Variants in ROBO2 observed in about 807,000 individuals in gnomAD.
ROBO2 encodes roundabout guidance receptor 2.
A neutral mutation model predicts 160.8 loss-of-function variants in ROBO2; 53 were observed. The ratio of observed to expected loss-of-function variants is 0.33; its 90% CI spans 0.26 to 0.41. The LOEUF (loss-of-function observed/expected upper bound fraction) is 0.41, where lower values mean the gene tolerates loss of function less well. Ranked by LOEUF, ROBO2 falls within the 10% of genes least tolerant of loss-of-function variation. The pLI is 1.00. For missense variants in ROBO2, 1,577 were observed against 1,722.4 expected (o/e 0.92, Z 1.49); for synonymous variants, 664 against 611.7 (o/e 1.09, Z -1.26).
chr3:76,064,392 C>T (rs2068175722), intron 2 of ROBO2, among the ~76,000 whole-genome samples: 1 of 152,104 alleles, frequency 6.6e-6, no homozygotes, highest in African/African-American at 2.4e-5. Flanking sequence ...TGGTTGCCTT[C>T]AAATTCGAGG....
intron 2 of ROBO2, among the ~76,000 whole-genome samples, chr3:76,175,361 T>C (rs2073193072): frequency 6.6e-6 from 1 of 152,116 alleles, no homozygotes; most frequent in Non-Finnish European, 1.5e-5. Flanking sequence ...ATACCCTTTA[T>C]TTCTATGCAT....
intron 2 of ROBO2, among the ~76,000 whole-genome samples, chr3:76,686,718 A>T (rs537679293): frequency 6.6e-6 from 1 of 152,208 alleles, no homozygotes; most frequent in East Asian, 1.9e-4. Context: ...GCTACTTGGG[A>T]GGCTGAGACT....
At chr3:76,924,270 T>C (rs1432110764) in intron 2 of ROBO2, among the ~76,000 whole-genome samples, 2 of 152,202 alleles carry the variant, frequency 1.3e-5, no homozygotes, top group African/African-American at 4.8e-5. Context: ...GCGATGGTAT[T>C]GGGAGGCTGG....
rs139102547 is a variant in ROBO2 at position 76,886,917 on chromosome 3, G to A, written c.110-211097G>A. 1.4e-3 allele frequency among the ~76,000 whole-genome samples: 212 copies of A among 152,310 alleles called. 1 individual carries two copies. The highest frequency in any genetic ancestry group is 2.2e-3 in the Non-Finnish European group (152 of 68,030). On this transcript the variant is annotated intron_variant, in intron 2 of 26. Coordinates refer to the ROBO2 transcript ENST00000487694. ...TTCATTCACATTAGCCACATTCGAA[G>A]TGTTCAGTAGCCCCATGTGGCTAGT... is the stretch of plus-strand genomic sequence containing the variant.
At chr3:77,563,387 A>G (rs2093388394) in intron 11 of ROBO2, 58 bp downstream of exon 12, 1 of 1,512,716 alleles carries the variant, frequency 6.6e-7, no homozygotes, top group Non-Finnish European at 9.2e-7. Flanking sequence ...TTATTCTAAA[A>G]TGTCACCTGA....
At chr3:76,719,913 G>GA (rs975738971) in intron 2 of ROBO2, among the ~76,000 whole-genome samples, 2 of 151,294 alleles carry the variant, frequency 1.3e-5, no homozygotes, top group East Asian at 3.9e-4. Context: ...TTTCTTTAGA[G>GA]AAAAAAATGT....
intron 2 of ROBO2, among the ~76,000 whole-genome samples, chr3:76,770,814 A>G (rs2061856691): frequency 6.6e-6 from 1 of 151,306 alleles, no homozygotes; most frequent in African/African-American, 2.4e-5. Context: ...TAATGCCTCC[A>G]ACTGAGGTGA....
chr3:77,454,802 TCCATTCATTTG>T (rs1410467489), intron 2 of ROBO2, among the ~76,000 whole-genome samples: 2 of 152,240 alleles, frequency 1.3e-5, no homozygotes, highest in African/African-American at 4.8e-5. Flanking sequence ...TTTGTTTATA[TCCATTCATTTG>T]TGGTAGAGGT....
intron 2 of ROBO2, among the ~76,000 whole-genome samples, chr3:75,943,525 C>T (rs1948145403): frequency 6.6e-6 from 1 of 151,902 alleles, no homozygotes; most frequent in Admixed American, 6.6e-5. Flanking sequence ...TGGAATTCAA[C>T]ATGAAGAATA....
chr3:77,274,891 A>G (rs1313153921), intron 2 of ROBO2, among the ~76,000 whole-genome samples: 1 of 152,112 alleles, frequency 6.6e-6, no homozygotes, highest in Non-Finnish European at 1.5e-5. Flanking sequence ...TTTTTTAAAG[A>G]CTGATTTAAA....
chr3:77,027,016 A>G (rs2063009704), intron 2 of ROBO2, among the ~76,000 whole-genome samples: 1 of 152,208 alleles, frequency 6.6e-6, no homozygotes, highest in African/African-American at 2.4e-5. Flanking sequence ...ACAAGAATAG[A>G]GTCATACTGC....
At chr3:77,462,272 G>T (rs1245026990) in intron 2 of ROBO2, among the ~76,000 whole-genome samples, 2 of 152,120 alleles carry the variant, frequency 1.3e-5, no homozygotes, top group African/African-American at 2.4e-5. Context: ...TCAAAAGGTT[G>T]TCATCGAATT....
chr3:77,192,159 A>G (rs1447945282), intron 2 of ROBO2, among the ~76,000 whole-genome samples: 2 of 152,206 alleles, frequency 1.3e-5, no homozygotes, highest in East Asian at 3.8e-4. Context: ...TTATTAAAAG[A>G]CAGTTCAAAA....
intron 2 of ROBO2, among the ~76,000 whole-genome samples, chr3:76,603,919 T>C (rs1209272243): frequency 6.6e-6 from 1 of 152,176 alleles, no homozygotes; most frequent in East Asian, 1.9e-4. Context: ...TCTTACAAAT[T>C]GCACCGAAAG....
At chr3:77,121,073 C>G (rs573703263) in intron 2 of ROBO2, among the ~76,000 whole-genome samples, 34 of 152,028 alleles carry the variant, frequency 2.2e-4, no homozygotes, top group Non-Finnish European at 4.4e-4. Context: ...GCCTCCCAAG[C>G]AGCTGGGATT....
At chr3:77,125,736 T>A (rs1279626052) in intron 2 of ROBO2, among the ~76,000 whole-genome samples, 1 of 152,174 alleles carries the variant, frequency 6.6e-6, no homozygotes, top group Non-Finnish European at 1.5e-5. Context: ...TATTTACCAG[T>A]TATTTAGTAT....
intron 2 of ROBO2, among the ~76,000 whole-genome samples, chr3:76,545,901 C>T (rs768004923): frequency 9.9e-5 from 15 of 151,608 alleles, no homozygotes; most frequent in Non-Finnish European, 1.2e-4. Context: ...CTATTTATTA[C>T]GAAAACAGTA....
chr3:76,922,710 T>G (rs2076744087), intron 2 of ROBO2, among the ~76,000 whole-genome samples: 1 of 152,182 alleles, frequency 6.6e-6, no homozygotes, highest in Admixed American at 6.5e-5. Flanking sequence ...AGGCAAAAGC[T>G]GTAAATCACT....
chr3:77,091,846 G>A (rs941612144), intron 1 of ROBO2, among the ~76,000 whole-genome samples: 3 of 151,878 alleles, frequency 2.0e-5, no homozygotes, highest in African/African-American at 7.3e-5. Context: ...CAGGTGTGGT[G>A]GTGCGTGCCT....
Sources: gnomAD v4.1 joint callset for allele counts (sites outside exome capture counted in the v4.1 genomes callset) on GRCh38, gnomAD v4.1.1 for gene constraint, MANE v1.5 for transcripts, NCBI Gene and HGNC (gene_info 2026-07-23, HGNC 2026-07-21) for gene names.